PRPF40B: variants seen among roughly 807,000 people sequenced by gnomAD.
PRPF40B encodes the protein pre-mRNA-processing factor 40 homolog B.
In PRPF40B, 56 loss-of-function variants were observed where a neutral mutation model predicts 124.5. The ratio of observed to expected loss-of-function variants is 0.45; its 90% CI spans 0.36 to 0.56. The LOEUF is 0.56. PRPF40B is among the 20% of genes least tolerant of loss of function. The probability of loss-of-function intolerance (pLI) is 0.00; values close to 1 mark genes in which losing one functional copy is unlikely to be tolerated. For synonymous variants in PRPF40B, 443 were observed against 426.4 expected (o/e 1.04, Z -0.48); for missense variants, 1,053 against 1,169.5 (o/e 0.90, Z 1.45).
At chr12:49,626,191 T>C (rs1940697368) in intron 1 of PRPF40B, among the ~76,000 whole-genome samples, 1 of 152,256 alleles carries the variant, frequency 6.6e-6, no homozygotes, top group Admixed American at 6.5e-5. Flanking sequence ...GTGTATACAC[T>C]GTTTTCAAAG....
intron 9 of PRPF40B, 37 bp from the exon 10 acceptor site, chr12:49,633,849 T>C: frequency 6.2e-7 from 1 of 1,612,108 alleles, no homozygotes. Context: ...CCATTCTTGC[T>C]CTCCTCCTGG....
rs748904427 is a variant in PRPF40B, at chr12:49,633,989, C to T, written c.709C>T (p.Leu237Phe). The T allele has an allele frequency of 1.2e-6, 2 of 1,614,218 alleles. No individual in the cohort carries two copies. The highest frequency in any genetic ancestry group is 1.7e-6 in the Non-Finnish European group (2 of 1,180,028). The change falls in exon 10 of 26, where the codon CTC becomes TTC. Residue 237 changes from leucine (L) to phenylalanine (F), a missense_variant. Around this residue, in one of 2 missense-constraint regions of PRPF40B, gnomAD observed 895 missense variants for 1,052.2 expected, o/e 0.85. Coordinates refer to ENST00000548825, the MANE Select transcript of PRPF40B (RefSeq NM_001031698.3). ...PPGPTPVPTG[L>F]LEPEPGGSED... The stretch of plus-strand genomic sequence containing the variant: ...TGGCCCCACCCCAGTGCCCACAGGC[C>T]TCCTGGAACCTGAGCCAGGTGGGAG...
In PRPF40B at chr12:49,635,795, G is replaced by T. The variant is rs753922889; in HGVS notation, c.1276-48G>T. On this transcript the variant is annotated intron_variant, in intron 14 of 25. Coordinates refer to ENST00000548825, the MANE Select transcript of PRPF40B (RefSeq NM_001031698.3). The surrounding 1 kb of genome is among the most constrained non-coding windows in gnomAD (Gnocchi z 4.1). ...GGTCCTCCTCTGCCCAGGCCTACTT[G>T]GGTAGCTCTGGCCTGCCCTGCCTCA... is the stretch of plus-strand genomic sequence containing the variant. 1 of 1,603,760 alleles carries T rather than the reference G, an allele frequency of 6.2e-7. No individual in the cohort carries two copies. The highest frequency in any genetic ancestry group is 1.3e-5 in the African/African-American group (1 of 74,772).
rs971013304 is a variant in PRPF40B, at chr12:49,643,233, CAGA to C, written c.2223_2225del (p.Glu743del). On this transcript the variant is annotated inframe_deletion, in exon 23 of 26. Transcript: ENST00000548825. Reference sequence around the variant, plus strand: ...TGCTGATCTGCCCAGGGCTCTGAGTCAGAAGAAGAGGAGCTGCCCCCACCATCT... The same window carrying C: ...TGCTGATCTGCCCAGGGCTCTGAGTCAGAAGAGGAGCTGCCCCCACCATCT... 26 of 1,613,978 alleles carry C rather than the reference CAGA, an allele frequency of 1.6e-5. No individual in the cohort carries two copies. The highest frequency in any genetic ancestry group is 5.3e-5 in the African/African-American group (4 of 74,930).
At position 49,644,328 on chromosome 12, in the gene PRPF40B, T is replaced by C. The variant is rs1480692707; in HGVS notation, c.*136T>C. The C allele has an allele frequency of 3.1e-6, 3 of 972,770 alleles. No individual in the cohort carries two copies. The highest frequency in any genetic ancestry group is 4.7e-6 in the Non-Finnish European group (3 of 638,170). 60.3% of individuals were successfully genotyped at this position (972,770 alleles called of 1,614,324 possible). ...AAGTAACCCCACCCCCAGCACACCATTGTTGGCACCTCTCAAGGTTGCTCT... is the reference window on the plus strand; with the variant it reads ...AAGTAACCCCACCCCCAGCACACCACTGTTGGCACCTCTCAAGGTTGCTCT... On this transcript the variant is annotated 3_prime_UTR_variant, in exon 26 of 26. Coordinates refer to ENST00000548825, the MANE Select transcript of PRPF40B (RefSeq NM_001031698.3).
intron 17 of PRPF40B, 50 bp downstream of exon 17, chr12:49,637,634 G>T (rs545375851): frequency 1.3e-6 from 2 of 1,585,224 alleles, no homozygotes; most frequent in Non-Finnish European, 1.7e-6. Context: ...TGCCCTGCCA[G>T]CCTCTCTGCA....
chr12:49,641,871 C>T (rs758782882), intron 18 of PRPF40B, 37 bp from the exon 19 acceptor site: 19 of 1,582,520 alleles, frequency 1.2e-5, no homozygotes, highest in South Asian at 7.7e-5. Flanking sequence ...GCCTCAGGCA[C>T]GTGGTGCCCC....
chr12:49,634,904 G>C (rs1941608006), intron 12 of PRPF40B, 195 bp from the exon 13 acceptor site: 1 of 664,326 alleles, frequency 1.5e-6, no homozygotes, highest in Non-Finnish European at 2.5e-6. Flanking sequence ...CCCAGTATTT[G>C]CAGTGTCTTG....
intron 18 of PRPF40B, 196 bp from the exon 19 acceptor site, chr12:49,641,712 A>C: frequency 1.7e-6 from 1 of 586,104 alleles, no homozygotes; most frequent in Non-Finnish European, 3.0e-6. Context: ...GTGACATCCA[A>C]ACCAAGGGTA....
intron 4 of PRPF40B, 174 bp downstream of exon 4, chr12:49,632,099 A>C (rs2063904476): frequency 1.5e-6 from 1 of 677,576 alleles, no homozygotes; most frequent in African/African-American, 1.8e-5. Flanking sequence ...CAGCTCTTCT[A>C]GTTTCCCACT....
chr12:49,632,005 C>G, intron 4 of PRPF40B, 80 bp downstream of exon 4: 1 of 1,342,034 alleles, frequency 7.5e-7, no homozygotes, highest in Non-Finnish European at 1.1e-6. Context: ...ACTATGACCT[C>G]CATTCTTTCC....
rs115064935 is a variant in PRPF40B at position 49,636,924 on chromosome 12, C to G, written c.1560+75C>G. 4,396 of 1,599,514 alleles carry G rather than the reference C, an allele frequency of 2.7e-3. 91 individuals are homozygous for G. The African/African-American group carries it at 0.046, about 17-fold the overall frequency. ...CAACCTCTTCACCCATTCCCTGCCC[C>G]CTTCTGGATACGCTGCCTGTTCTTT... On this transcript the variant is annotated intron_variant, in intron 16 of 25. Transcript: ENST00000548825.
chr12:49,623,869 G>T, intron 1 of PRPF40B: 1 of 1,132,544 alleles, frequency 8.8e-7, no homozygotes, highest in Non-Finnish European at 1.1e-6. Context: ...AGAGGTGGGG[G>T]TGGGTTCGCG....
chr12:49,630,917 A>G (rs1487854587), intron 2 of PRPF40B, among the ~76,000 whole-genome samples: 1 of 152,164 alleles, frequency 6.6e-6, no homozygotes, highest in Non-Finnish European at 1.5e-5. Flanking sequence ...GGGTGGGACT[A>G]TCTATCTCTT....
At chr12:49,627,116 A>G (rs968646629) in intron 1 of PRPF40B, among the ~76,000 whole-genome samples, 1 of 152,204 alleles carries the variant, frequency 6.6e-6, no homozygotes, top group Non-Finnish European at 1.5e-5. Flanking sequence ...TGGGAACTGG[A>G]TATGAGGTGA....
In PRPF40B at chr12:49,635,040, T is replaced by A; in HGVS notation, c.1002-59T>A. 6.7e-7 allele frequency: 1 copy of A among 1,503,172 alleles called. No individual in the cohort carries two copies. The highest frequency in any genetic ancestry group is 9.0e-7 in the Non-Finnish European group (1 of 1,107,906). 93.1% of individuals were successfully genotyped at this position (1,503,172 alleles called of 1,614,324 possible). On this transcript the variant is annotated intron_variant, in intron 12 of 25. Transcript: ENST00000548825. This position sits in a 1 kb window ranked among gnomAD's most constrained non-coding sequence, Gnocchi z 4.1. ...TGTCTCATGACCCTCCAGTGTGGGCTGTGCAGAGTGGTTCGGGTGACTTCT... is the reference window on the plus strand; with the variant it reads ...TGTCTCATGACCCTCCAGTGTGGGCAGTGCAGAGTGGTTCGGGTGACTTCT...
intron 24 of PRPF40B, 25 bp downstream of exon 24, chr12:49,643,777 G>T (rs755741125): frequency 6.2e-7 from 1 of 1,613,702 alleles, no homozygotes; most frequent in Non-Finnish European, 8.5e-7. Context: ...TTCTACCTAA[G>T]CCCCTGCTAT....
chr12:49,641,808 G>A (rs1434382060), intron 18 of PRPF40B, 100 bp from the exon 19 acceptor site: 3 of 951,824 alleles, frequency 3.2e-6, no homozygotes, highest in Non-Finnish European at 5.0e-6. Context: ...CTCTTCCAGA[G>A]GCAAGGGCCT....
intron 16 of PRPF40B, 87 bp from the exon 17 acceptor site, chr12:49,637,383 T>C (rs540433329): frequency 3.6e-4 from 316 of 874,528 alleles, no homozygotes; most frequent in Middle Eastern, 2.0e-3. Flanking sequence ...TCCCTGCCTC[T>C]TCCTCTGCCA....
Sources: gnomAD v4.1 joint callset for allele counts (sites outside exome capture counted in the v4.1 genomes callset) on GRCh38, gnomAD v4.1.1 for gene constraint, gnomAD v4.1.1 regional missense constraint, Gnocchi (gnomAD v3.1) non-coding constraint, MANE v1.5 for transcripts, NCBI Gene and HGNC (gene_info 2026-07-23, HGNC 2026-07-21) for gene names.